Variants in TNR observed in about 807,000 individuals in gnomAD.
TNR encodes the protein tenascin-R.
Under a neutral mutation model 150.4 loss-of-function variants are expected in TNR, and 45 were observed. The observed-to-expected ratio is 0.30, with a 90% CI of 0.24 to 0.38. TNR has a LOEUF of 0.38. TNR is among the 10% of genes least tolerant of loss of function. The probability of loss-of-function intolerance (pLI) is 1.00; values close to 1 mark genes in which losing one functional copy is unlikely to be tolerated. For missense variants in TNR, 1,544 were observed against 1,759.1 expected (o/e 0.88, Z 2.19); for synonymous variants, 687 against 678.4 (o/e 1.01, Z -0.20).
intron 1 of TNR, among the ~76,000 whole-genome samples, chr1:175,647,219 G>C (rs1178582474): frequency 6.6e-6 from 1 of 151,894 alleles, no homozygotes; most frequent in African/African-American, 2.4e-5. Context: ...GCAAAAAAAA[G>C]GAGCATCGTG....
chr1:175,674,851 G>T (rs1665812974), intron 1 of TNR, among the ~76,000 whole-genome samples: 1 of 152,130 alleles, frequency 6.6e-6, no homozygotes, highest in Non-Finnish European at 1.5e-5. Context: ...AACCTGTCCT[G>T]CTGTGATGGA....
intron 1 of TNR, among the ~76,000 whole-genome samples, chr1:175,724,205 A>T (rs1365873175): frequency 1.3e-5 from 2 of 152,196 alleles, no homozygotes; most frequent in African/African-American, 4.8e-5. Context: ...AAGAGGTTTA[A>T]TTGGCTCACA....
intron 2 of TNR, among the ~76,000 whole-genome samples, chr1:175,425,224 G>A (rs545350398): frequency 2.5e-4 from 38 of 152,242 alleles, no homozygotes; most frequent in Non-Finnish European, 2.5e-4. Context: ...AAGGAGAGGA[G>A]GCACTCAACA....
At chr1:175,327,346 C>A (rs1371174889) in intron 21 of TNR, among the ~76,000 whole-genome samples, 1 of 152,190 alleles carries the variant, frequency 6.6e-6, no homozygotes, top group Non-Finnish European at 1.5e-5. Context: ...AACCACTGTT[C>A]AGATTTATAA....
chr1:175,539,168 T>G (rs776156432), intron 1 of TNR: 2 of 152,082 alleles, frequency 1.3e-5, no homozygotes, highest in Non-Finnish European at 2.9e-5. Context: ...CTTTTCACAG[T>G]GCAGTCAACT....
At chr1:175,550,090 T>G (rs16848602) in intron 1 of TNR, among the ~76,000 whole-genome samples, 2,929 of 152,228 alleles carry the variant, frequency 0.019, 79 homozygotes, top group African/African-American at 0.066. Flanking sequence ...CCAACAAATT[T>G]TGCAAGATGA....
intron 1 of TNR, among the ~76,000 whole-genome samples, chr1:175,734,578 A>G (rs1667723757): frequency 6.6e-6 from 1 of 152,230 alleles, no homozygotes; most frequent in Admixed American, 6.5e-5. Context: ...GTCACATCCC[A>G]TCTGGAGCTC....
intron 1 of TNR, among the ~76,000 whole-genome samples, chr1:175,688,309 T>C (rs990550683): frequency 1.3e-5 from 2 of 152,190 alleles, no homozygotes; most frequent in Non-Finnish European, 2.9e-5. Flanking sequence ...GAATGAGCAC[T>C]TCAGAATCAG....
chr1:175,740,203 T>C (rs1667887066), intron 1 of TNR, among the ~76,000 whole-genome samples: 1 of 152,204 alleles, frequency 6.6e-6, no homozygotes, highest in African/African-American at 2.4e-5. Context: ...AGTAATACAT[T>C]CAGCAATACA....
intron 1 of TNR, among the ~76,000 whole-genome samples, chr1:175,630,860 C>G (rs1571694328): frequency 6.6e-6 from 1 of 152,024 alleles, no homozygotes; most frequent in Admixed American, 6.5e-5. Flanking sequence ...AGGCTGAATT[C>G]GCACCAAACA....
chr1:175,607,807 T>C (rs1483315008), intron 1 of TNR, among the ~76,000 whole-genome samples: 1 of 152,250 alleles, frequency 6.6e-6, no homozygotes, highest in African/African-American at 2.4e-5. Flanking sequence ...TTCAGTCTCT[T>C]TGCATCTCAG....
At chr1:175,593,760 C>G (rs933582528) in intron 1 of TNR, among the ~76,000 whole-genome samples, 2 of 152,130 alleles carry the variant, frequency 1.3e-5, no homozygotes, top group African/African-American at 4.8e-5. Context: ...TTGTGGGTGT[C>G]TTCTGCCTGG....
At chr1:175,651,320 G>T (rs1664988552) in intron 1 of TNR, among the ~76,000 whole-genome samples, 1 of 151,820 alleles carries the variant, frequency 6.6e-6, no homozygotes, top group Non-Finnish European at 1.5e-5. Flanking sequence ...CAGGCAGAGG[G>T]TTCAGCATGT....
At chr1:175,661,727 T>A (rs1558060523) in intron 1 of TNR, among the ~76,000 whole-genome samples, 1 of 151,958 alleles carries the variant, frequency 6.6e-6, no homozygotes, top group Non-Finnish European at 1.5e-5. Context: ...GACATTTCTC[T>A]CCCTGACTTT....
rs528356685 is a variant in TNR, at chr1:175,318,028, A to G, written c.*5329T>C. 1.3e-5 allele frequency: 2 copies of G among 152,386 alleles called. No homozygotes were observed. Among genetic ancestry groups the G allele is most frequent in the African/African-American group, 4.8e-5 (2 of 41,586 alleles). 9.4% of individuals were successfully genotyped at this position (152,386 alleles called of 1,614,324 possible). A position where few individuals can be genotyped will look rare whatever the true frequency, so the allele number is the denominator to read the frequency against. ...TAAAAAAATAAACAGAATGCTGGAGATGACAAATCAGGCTTGTGACTACTG... is the reference window on the plus strand; with the variant it reads ...TAAAAAAATAAACAGAATGCTGGAGGTGACAAATCAGGCTTGTGACTACTG... On this transcript the variant is annotated 3_prime_UTR_variant, in exon 23 of 23. Coordinates refer to ENST00000367674, the MANE Select transcript of TNR (RefSeq NM_003285.3).
intron 1 of TNR, among the ~76,000 whole-genome samples, chr1:175,738,252 G>T (rs1027878846): frequency 1.3e-5 from 2 of 152,048 alleles, no homozygotes; most frequent in African/African-American, 2.4e-5. Flanking sequence ...TTAAAGGAGG[G>T]GAATAGGAAA....
rs186520995 is a variant in TNR, at chr1:175,403,179, C to A, written c.937G>T (p.Val313Phe). Reference sequence around the variant, plus strand: ...GGGCCCTGGTAGCCCTCTTCACAGACGCAGAGCCCCTCCTCACATTGTCCT... The same window carrying A: ...GGGCCCTGGTAGCCCTCTTCACAGAAGCAGAGCCCCTCCTCACATTGTCCT... ...GRGQCEEGLC[V>F]CEEGYQGPDC... is the part of the protein sequence containing the mutation. The change falls in exon 4 of 23, where the codon GTC becomes TTC. Residue 313 changes from valine (V) to phenylalanine (F), a missense_variant. By Grantham distance (50) the Val-to-Phe change is conservative. Coordinates refer to ENST00000367674, the MANE Select transcript of TNR (RefSeq NM_003285.3). The A allele has an allele frequency of 1.9e-6, 3 of 1,614,100 alleles. No homozygotes were observed. The highest frequency in any genetic ancestry group is 2.5e-6 in the Non-Finnish European group (3 of 1,179,962).
intron 12 of TNR, among the ~76,000 whole-genome samples, chr1:175,364,491 C>A (rs1651746892): frequency 6.6e-6 from 1 of 152,206 alleles, no homozygotes; most frequent in Non-Finnish European, 1.5e-5. Context: ...GAATAATGAG[C>A]TGGGACTGAT....
At chr1:175,342,391 T>C (rs1650564670) in intron 18 of TNR, among the ~76,000 whole-genome samples, 1 of 152,194 alleles carries the variant, frequency 6.6e-6, no homozygotes, top group Non-Finnish European at 1.5e-5. Context: ...TGTGCAAAAG[T>C]ACGGCCCCTT....
Sources: gnomAD v4.1 joint callset for allele counts (sites outside exome capture counted in the v4.1 genomes callset) on GRCh38, gnomAD v4.1.1 for gene constraint, MANE v1.5 for transcripts, NCBI Gene and HGNC (gene_info 2026-07-23, HGNC 2026-07-21) for gene names.